Variants in PUS10 observed in about 807,000 individuals in gnomAD.
PUS10 encodes pseudouridine synthase 10, also known as tRNA pseudouridine synthase Pus10.
In PUS10, 59 loss-of-function variants were observed where a neutral mutation model predicts 75.0. That is an observed-to-expected ratio of 0.79 (90% confidence interval 0.64 to 0.98). The LOEUF (loss-of-function observed/expected upper bound fraction) is 0.98. PUS10 is among the 50% of genes least tolerant of loss of function. The probability of loss-of-function intolerance (pLI) is 0.00; values close to 1 mark genes in which losing one functional copy is unlikely to be tolerated. For missense variants in PUS10, 650 were observed against 614.4 expected (o/e 1.06, Z -0.61); for synonymous variants, 219 against 211.6 (o/e 1.03, Z -0.30).
intron 4 of PUS10, among the ~76,000 whole-genome samples, chr2:60,987,037 T>C (rs1677767614): frequency 6.6e-6 from 1 of 152,258 alleles, no homozygotes; most frequent in African/African-American, 2.4e-5. Context: ...ATTAAGTTGC[T>C]TCTTAAAATC....
intron 6 of PUS10, 145 bp from the exon 7 acceptor site, chr2:60,965,629 CTTG>C (rs994165140): frequency 5.1e-5 from 30 of 582,662 alleles, no homozygotes; most frequent in Non-Finnish European, 1.8e-5. Flanking sequence ...CTCAAATCAA[CTTG>C]TTATCAGGGC....
At chr2:60,958,834 C>T (rs1417857802) in intron 11 of PUS10, among the ~76,000 whole-genome samples, 3 of 151,974 alleles carry the variant, frequency 2.0e-5, no homozygotes, top group African/African-American at 7.3e-5. Context: ...TGCAGTGAGC[C>T]GTGATCACAC....
rs1445238398 is a variant in PUS10, at chr2:60,953,103, CCT to C, written c.1200_1201del (p.Ile400MetfsTer7). On this transcript the variant is annotated frameshift_variant, in exon 15 of 18. Transcript: ENST00000316752. LOFTEE classifies it high-confidence loss of function. ...TTCTTCTTCACCTTCTTTCATATGT[CCT>C]ATTGCCTCTCTAAACAAAAACAATT... is the stretch of plus-strand genomic sequence containing the variant. 1 of 1,563,622 alleles carries C rather than the reference CCT, an allele frequency of 6.4e-7. No individual in the cohort carries two copies. Among genetic ancestry groups the C allele is most frequent in the African/African-American group, 1.4e-5 (1 of 73,392 alleles).
chr2:60,950,927 T>G (rs1675297214), intron 15 of PUS10, among the ~76,000 whole-genome samples: 1 of 152,184 alleles, frequency 6.6e-6, no homozygotes, highest in Non-Finnish European at 1.5e-5. Flanking sequence ...TACCATGTTG[T>G]TTTTGAAAAA....
intron 4 of PUS10, among the ~76,000 whole-genome samples, chr2:61,001,957 T>A (rs571205251): frequency 6.6e-6 from 1 of 151,934 alleles, no homozygotes; most frequent in East Asian, 1.9e-4. Flanking sequence ...GAAATCCACT[T>A]ATCAAAAGTT....
At chr2:60,988,181 C>T (rs1267265957) in intron 4 of PUS10, among the ~76,000 whole-genome samples, 1 of 152,030 alleles carries the variant, frequency 6.6e-6, no homozygotes, top group Non-Finnish European at 1.5e-5. Context: ...TTATTAAATA[C>T]ATTATGAGAA....
Position 60,953,946 on chromosome 2 carries a change from G to A in PUS10, c.1177C>T (p.Gln393Ter). Residue 393 changes from glutamine to a stop codon, truncating the protein, a stop_gained, in exon 14 of 18, where the codon CAG becomes TAG. Coordinates refer to ENST00000316752, the MANE Select transcript of PUS10 (RefSeq NM_144709.4). LOFTEE classifies it high-confidence loss of function. Reference protein sequence around the residue: ...SSNKIQVRDLQLVTREAIGHM... With the variant: ...SSNKIQVRDL ...GCCTACTCTTACCTTGTGACAAGCT[G>A]CAAGTCACGTACTTGGATTTTGTTA... 1.9e-6 allele frequency: 3 copies of A among 1,613,832 alleles called. No homozygotes were observed. The highest frequency in any genetic ancestry group is 2.5e-6 in the Non-Finnish European group (3 of 1,179,698).
At chr2:60,979,730 G>A (rs1677265837) in intron 4 of PUS10, among the ~76,000 whole-genome samples, 1 of 152,208 alleles carries the variant, frequency 6.6e-6, no homozygotes, top group African/African-American at 2.4e-5. Context: ...AAAATGAAGT[G>A]AGACATAAGA....
chr2:60,951,224 G>A (rs1486854520), intron 15 of PUS10, among the ~76,000 whole-genome samples: 1 of 151,838 alleles, frequency 6.6e-6, no homozygotes, highest in African/African-American at 2.4e-5. Flanking sequence ...ACATATATAT[G>A]CGTTTGTGTG....
intron 11 of PUS10, among the ~76,000 whole-genome samples, chr2:60,957,295 G>A (rs191015826): frequency 2.0e-5 from 3 of 152,324 alleles, no homozygotes; most frequent in Admixed American, 6.5e-5. Context: ...AGTGGTCCTC[G>A]TGTGCTGATG....
chr2:60,945,876 C>G (rs1674914229), intron 16 of PUS10, among the ~76,000 whole-genome samples: 1 of 152,124 alleles, frequency 6.6e-6, no homozygotes, highest in African/African-American at 2.4e-5. Flanking sequence ...GGTAAAAATG[C>G]AGCATTATGT....
At chr2:61,001,250 C>A (rs1475021548) in intron 4 of PUS10, among the ~76,000 whole-genome samples, 1 of 151,776 alleles carries the variant, frequency 6.6e-6, no homozygotes, top group Non-Finnish European at 1.5e-5. Context: ...CTTTAGTTTT[C>A]TGGTTGCTGT....
At chr2:60,995,226 T>C (rs1488174404) in intron 4 of PUS10, among the ~76,000 whole-genome samples, 1 of 152,126 alleles carries the variant, frequency 6.6e-6, no homozygotes, top group Non-Finnish European at 1.5e-5. Flanking sequence ...CTTTAAGGGG[T>C]TGTGATTATT....
chr2:60,942,174 A>G lies in PUS10; in HGVS notation c.*221T>C. 2.1e-6 allele frequency: 1 copy of G among 468,744 alleles called. No individual in the cohort carries two copies. The highest frequency in any genetic ancestry group is 3.9e-6 in the Non-Finnish European group (1 of 256,556). The allele number at this position is 468,744 out of a possible 1,614,324, so 29.0% of individuals were successfully genotyped here. On this transcript the variant is annotated 3_prime_UTR_variant, in exon 18 of 18. Coordinates refer to ENST00000316752, the MANE Select transcript of PUS10 (RefSeq NM_144709.4). ...TTGGTTTGTGGGGGTGAAAGAGGGA[A>G]TGAGAAAAATCCTAAGACATCCTTG... is the stretch of plus-strand genomic sequence containing the variant.
At chr2:60,955,368 C>A (rs2104264128) in intron 11 of PUS10, among the ~76,000 whole-genome samples, 1 of 152,106 alleles carries the variant, frequency 6.6e-6, no homozygotes. Flanking sequence ...CTTACTCTGT[C>A]ACCCAGGCTG....
At chr2:60,956,997 A>G (rs1321573873) in intron 11 of PUS10, among the ~76,000 whole-genome samples, 30 of 150,508 alleles carry the variant, frequency 2.0e-4, no homozygotes, top group East Asian at 5.8e-4. Context: ...AAAAAAAAAA[A>G]AAAGAAAGAA....
chr2:60,958,043 G>C (rs1675790232), intron 11 of PUS10, among the ~76,000 whole-genome samples: 1 of 152,244 alleles, frequency 6.6e-6, no homozygotes, highest in African/African-American at 2.4e-5. Context: ...CTTTTGCCCA[G>C]AGAGAGAGAA....
intron 2 of PUS10, among the ~76,000 whole-genome samples, chr2:61,011,499 T>A (rs1275209805): frequency 2.0e-5 from 3 of 152,168 alleles, no homozygotes; most frequent in Non-Finnish European, 4.4e-5. Context: ...TTAGGAAACA[T>A]CTATACAAGT....
intron 4 of PUS10, among the ~76,000 whole-genome samples, chr2:60,988,223 T>G (rs1677845499): frequency 6.6e-6 from 1 of 152,234 alleles, no homozygotes; most frequent in South Asian, 2.1e-4. Context: ...TACATTTCTC[T>G]TTAGCCAACT....
Sources: allele counts gnomAD v4.1 joint callset (sites outside exome capture counted in the v4.1 genomes callset), GRCh38; gene constraint gnomAD v4.1.1; transcripts MANE v1.5; gene names NCBI Gene and HGNC (gene_info 2026-07-23, HGNC 2026-07-21).